DOK6: variants seen among roughly 807,000 people sequenced by gnomAD.
DOK6 encodes docking protein 6.
A neutral mutation model predicts 44.0 loss-of-function variants in DOK6; 22 were observed. The observed-to-expected ratio is 0.50, with a 90% CI of 0.36 to 0.71. The LOEUF is 0.71. Ranked by LOEUF, DOK6 falls within the 30% of genes least tolerant of loss-of-function variation. The pLI is 0.00. For missense variants in DOK6, 340 were observed against 416.4 expected (o/e 0.82, Z 1.60); for synonymous variants, 166 against 145.5 (o/e 1.14, Z -1.01).
chr18:69,464,127 AATGAGT>A (rs140222129), intron 1 of DOK6, among the ~76,000 whole-genome samples: 2,143 of 152,292 alleles, frequency 0.014, 36 homozygotes, highest in African/African-American at 0.041. Context: ...TAGCACACTT[AATGAGT>A]ATAATAACCT....
At chr18:69,787,300 CT>C (rs975024966) in intron 7 of DOK6, among the ~76,000 whole-genome samples, 4 of 152,086 alleles carry the variant, frequency 2.6e-5, no homozygotes, top group East Asian at 1.9e-4. Flanking sequence ...ATCCAATATA[CT>C]TTTTTTGGTC....
At chr18:69,493,969 C>T (rs1980809377) in intron 1 of DOK6, among the ~76,000 whole-genome samples, 1 of 152,192 alleles carries the variant, frequency 6.6e-6, no homozygotes, top group Non-Finnish European at 1.5e-5. Flanking sequence ...TTTATTCACA[C>T]AGGCCACTTT....
chr18:69,739,092 C>G lies in DOK6; in HGVS notation c.727C>G (p.Gln243Glu), dbSNP rs773667148. Residue 243 changes from glutamine (Q) to glutamate (E), a missense_variant, in exon 6 of 8, where the codon CAG becomes GAG. Physicochemically the swap from Gln to Glu is conservative, Grantham distance 29 (BLOSUM62 2). Coordinates refer to ENST00000382713, the MANE Select transcript of DOK6 (RefSeq NM_152721.6). ...QHERLMLEMEQKARLQTSLTE... is the reference protein window; with the variant it reads ...QHERLMLEMEEKARLQTSLTE... ...TGAAAGATTAATGCTAGAAATGGAA[C>G]AGAAGGCCCGGGTAAGGCCCCTTCC... 1 of 1,613,988 alleles carries G rather than the reference C, an allele frequency of 6.2e-7. No individual in the cohort carries two copies. Among genetic ancestry groups the G allele is most frequent in the South Asian group, 1.1e-5 (1 of 91,084 alleles).
intron 1 of DOK6, among the ~76,000 whole-genome samples, chr18:69,511,481 A>T (rs560822472): frequency 1.3e-5 from 2 of 152,206 alleles, no homozygotes; most frequent in South Asian, 4.1e-4. Flanking sequence ...AATCTATAAA[A>T]CTTTACTTCA....
chr18:69,412,208 G>A (rs1205290057), intron 1 of DOK6, among the ~76,000 whole-genome samples: 1 of 152,044 alleles, frequency 6.6e-6, no homozygotes, highest in Non-Finnish European at 1.5e-5. Flanking sequence ...ACTGGTTAAT[G>A]GCTTTTTGTG....
At chr18:69,788,372 G>C (rs1304613055) in intron 7 of DOK6, among the ~76,000 whole-genome samples, 1 of 152,170 alleles carries the variant, frequency 6.6e-6, no homozygotes, top group Non-Finnish European at 1.5e-5. Flanking sequence ...AACACGGAGG[G>C]ATGACTAACT....
chr18:69,580,119 G>A (rs984386584), intron 2 of DOK6, among the ~76,000 whole-genome samples: 1 of 152,078 alleles, frequency 6.6e-6, no homozygotes, highest in South Asian at 2.1e-4. Flanking sequence ...CCATTTTTTA[G>A]TTCACAGTTC....
intron 7 of DOK6, among the ~76,000 whole-genome samples, chr18:69,824,808 A>G (rs1408745447): frequency 6.6e-6 from 1 of 152,238 alleles, no homozygotes; most frequent in East Asian, 1.9e-4. Flanking sequence ...TGAGAAAGCC[A>G]CTTTAAATTG....
At chr18:69,743,527 T>G (rs1978872711) in intron 6 of DOK6, among the ~76,000 whole-genome samples, 1 of 152,194 alleles carries the variant, frequency 6.6e-6, no homozygotes, top group Non-Finnish European at 1.5e-5. Context: ...TAATTTTAGA[T>G]TTTCATGGAT....
At position 69,846,714 on chromosome 18, in the gene DOK6, T is replaced by G. The variant is rs1982352263; in HGVS notation, c.*5331T>G. On this transcript the variant is annotated 3_prime_UTR_variant, in exon 8 of 8. Transcript: ENST00000382713. ...ATCACAATCACATAGTAATTGTGATTATAATTTTTGGAATCTTTATCACTT... is the reference window on the plus strand; with the variant it reads ...ATCACAATCACATAGTAATTGTGATGATAATTTTTGGAATCTTTATCACTT... 1 of 152,208 alleles carries G rather than the reference T, an allele frequency of 6.6e-6. No individual in the cohort carries two copies. 9.4% of individuals were successfully genotyped at this position (152,208 alleles called of 1,614,324 possible).
intron 3 of DOK6, among the ~76,000 whole-genome samples, chr18:69,667,005 G>A (rs147344181): frequency 6.5e-4 from 98 of 151,922 alleles, no homozygotes; most frequent in African/African-American, 2.2e-3. Context: ...CCCCCTCCCC[G>A]CCATCCCAAC....
chr18:69,741,352 G>A (rs1978792104), intron 6 of DOK6, among the ~76,000 whole-genome samples: 2 of 152,174 alleles, frequency 1.3e-5, no homozygotes, highest in African/African-American at 4.8e-5. Context: ...GTTCTTCAGA[G>A]TAAACTGAAC....
chr18:69,644,077 T>C (rs898536579), intron 3 of DOK6, among the ~76,000 whole-genome samples: 2 of 152,208 alleles, frequency 1.3e-5, no homozygotes, highest in African/African-American at 4.8e-5. Flanking sequence ...TTCACGTATT[T>C]TGCCCATTTT....
intron 3 of DOK6, among the ~76,000 whole-genome samples, chr18:69,633,351 A>T (rs989772057): frequency 1.3e-5 from 2 of 152,186 alleles, no homozygotes; most frequent in Non-Finnish European, 2.9e-5. Context: ...CTCATTAGTG[A>T]CAGAGCAAGA....
intron 1 of DOK6, among the ~76,000 whole-genome samples, chr18:69,411,586 A>G (rs553796181): frequency 2.9e-4 from 44 of 152,230 alleles, no homozygotes; most frequent in Non-Finnish European, 4.9e-4. Flanking sequence ...TTTGAAAATG[A>G]TTAGTCTCTT....
At chr18:69,422,252 C>A (rs529512791) in intron 1 of DOK6, among the ~76,000 whole-genome samples, 1 of 152,332 alleles carries the variant, frequency 6.6e-6, no homozygotes, top group Non-Finnish European at 1.5e-5. Flanking sequence ...ATCTTATCCT[C>A]TTTCCCAAAG....
chr18:69,629,192 G>T (rs1984630191), intron 3 of DOK6, among the ~76,000 whole-genome samples: 1 of 152,202 alleles, frequency 6.6e-6, no homozygotes, highest in African/African-American at 2.4e-5. Context: ...TCTATGCAGA[G>T]GTTCATTTGT....
Position 69,844,932 on chromosome 18 carries a change from A to G in DOK6, c.*3549A>G, listed in dbSNP as rs1010966602. The G allele has an allele frequency of 5.9e-5, 9 of 152,204 alleles. No individual in the cohort carries two copies. The highest frequency in any genetic ancestry group is 1.4e-4 in the African/African-American group (6 of 41,456). The allele number at this position is 152,204 out of a possible 1,614,324, so 9.4% of individuals were successfully genotyped here. A position where few individuals can be genotyped will look rare whatever the true frequency, so the allele number is the denominator to read the frequency against. On this transcript the variant is annotated 3_prime_UTR_variant, in exon 8 of 8. Transcript: ENST00000382713. ...AAATGGTGAGCCTCTTGTACTTTCT[A>G]TTCAGTGTAGAAAGAGTGGACTGAT...
chr18:69,804,234 TC>T (rs1980988332), intron 7 of DOK6, among the ~76,000 whole-genome samples: 1 of 152,164 alleles, frequency 6.6e-6, no homozygotes, highest in South Asian at 2.1e-4. Context: ...AAAGTTGTTT[TC>T]ACTGAGACAA....
Sources: gnomAD v4.1 joint callset for allele counts (sites outside exome capture counted in the v4.1 genomes callset) on GRCh38, gnomAD v4.1.1 for gene constraint, MANE v1.5 for transcripts, NCBI Gene and HGNC (gene_info 2026-07-23, HGNC 2026-07-21) for gene names.